The following CNBD1 variants were observed in gnomAD, a reference collection of about 807,000 sequenced individuals.
The protein encoded by CNBD1 is cyclic nucleotide binding domain containing 1.
In CNBD1, 71 loss-of-function variants were observed where a neutral mutation model predicts 54.4. That is an observed-to-expected ratio of 1.30 (90% CI 1.08 to 1.59). The LOEUF is 1.59. CNBD1 is among the 40% of genes most tolerant of loss of function. CNBD1 has a pLI of 0.00. For missense variants in CNBD1, 659 were observed against 518.0 expected (o/e 1.27, Z -2.64); for synonymous variants, 182 against 170.7 (o/e 1.07, Z -0.51).
At chr8:87,128,075 A>G (rs1811476825) in intron 4 of CNBD1, among the ~76,000 whole-genome samples, 1 of 152,174 alleles carries the variant, frequency 6.6e-6, no homozygotes, top group Non-Finnish European at 1.5e-5. Context: ...AGTCAGGGGA[A>G]GATAATCTTC....
At chr8:87,109,657 G>A (rs1036807616) in intron 4 of CNBD1, among the ~76,000 whole-genome samples, 2 of 150,744 alleles carry the variant, frequency 1.3e-5, no homozygotes, top group South Asian at 4.2e-4. Context: ...TCCTGCCTCA[G>A]CCTCCCGAGT....
At chr8:87,319,198 C>T (rs886625323) in intron 8 of CNBD1, among the ~76,000 whole-genome samples, 33 of 152,046 alleles carry the variant, frequency 2.2e-4, no homozygotes, top group African/African-American at 8.0e-4. Flanking sequence ...ACACTAGTTA[C>T]CTTCAACAGA....
intron 4 of CNBD1, among the ~76,000 whole-genome samples, chr8:87,011,940 A>C (rs1809231171): frequency 6.6e-6 from 1 of 152,222 alleles, no homozygotes; most frequent in African/African-American, 2.4e-5. Context: ...TAAGAGCTAA[A>C]GAACATCTGG....
intron 1 of CNBD1, among the ~76,000 whole-genome samples, chr8:86,871,438 AC>A (rs1808442205): frequency 6.6e-6 from 1 of 152,178 alleles, no homozygotes; most frequent in Non-Finnish European, 1.5e-5. Flanking sequence ...GGACGATTAA[AC>A]TTTTTGATAA....
intron 5 of CNBD1, among the ~76,000 whole-genome samples, chr8:87,222,702 T>G (rs553134388): frequency 6.6e-6 from 1 of 152,226 alleles, no homozygotes; most frequent in Non-Finnish European, 1.5e-5. Flanking sequence ...TTCACAATCA[T>G]GTTTGCTTTA....
At chr8:87,365,173 G>C (rs1167532328) in intron 10 of CNBD1, among the ~76,000 whole-genome samples, 2 of 151,794 alleles carry the variant, frequency 1.3e-5, no homozygotes, top group Non-Finnish European at 2.9e-5. Flanking sequence ...TTACTTTTTA[G>C]TAATTCAGTC....
At chr8:87,269,479 A>G (rs1474352313) in intron 6 of CNBD1, among the ~76,000 whole-genome samples, 2 of 152,154 alleles carry the variant, frequency 1.3e-5, no homozygotes, top group East Asian at 1.9e-4. Flanking sequence ...GTAGTTTCAT[A>G]GGAATAGCAT....
chr8:87,134,914 C>T (rs560346326), intron 4 of CNBD1, among the ~76,000 whole-genome samples: 1 of 151,914 alleles, frequency 6.6e-6, no homozygotes, highest in Non-Finnish European at 1.5e-5. Flanking sequence ...CAGCCAGATT[C>T]CAATTTTAAT....
At position 87,008,517 on chromosome 8, in the gene CNBD1, G is replaced by C. The variant is rs1704639003; in HGVS notation, c.431+68763G>C. 3.3e-5 allele frequency among the ~76,000 whole-genome samples: 5 copies of C among 152,102 alleles called. 1 individual carries two copies. The South Asian group carries it at 1.0e-3, about 31-fold the overall frequency. On this transcript the variant is annotated intron_variant, in intron 4 of 10. Transcript: ENST00000518476. ...TAAAAGTTAGTTTTTGGATAGCCTG[G>C]GGTTTACTTTTAATGCATGTCTGAA...
At chr8:87,388,718 A>G (rs1391012981) in intron 2 of CNBD1, among the ~76,000 whole-genome samples, 2 of 152,350 alleles carry the variant, frequency 1.3e-5, no homozygotes, top group East Asian at 3.9e-4. Flanking sequence ...TCCAATCAAT[A>G]GAAAAAGAGG....
chr8:87,221,717 A>G (rs575914393), intron 5 of CNBD1, among the ~76,000 whole-genome samples: 2 of 152,210 alleles, frequency 1.3e-5, no homozygotes. Flanking sequence ...TTATTTTGGA[A>G]CAGAGAGTAT....
At chr8:87,061,045 G>A (rs1028872182) in intron 4 of CNBD1, among the ~76,000 whole-genome samples, 2 of 152,142 alleles carry the variant, frequency 1.3e-5, no homozygotes, top group African/African-American at 4.8e-5. Context: ...GGTAGTGAAA[G>A]TCAAATTATT....
At chr8:86,935,106 G>A (rs180714950) in intron 3 of CNBD1, among the ~76,000 whole-genome samples, 74 of 152,200 alleles carry the variant, frequency 4.9e-4, no homozygotes, top group African/African-American at 1.6e-3. Flanking sequence ...CGTGATCTCA[G>A]CTCACTGCAA....
chr8:86,941,312 T>C (rs574060522), intron 4 of CNBD1, among the ~76,000 whole-genome samples: 1 of 152,306 alleles, frequency 6.6e-6, no homozygotes, highest in African/African-American at 2.4e-5. Context: ...CTAAATTCGT[T>C]AAAAATATTC....
intron 3 of CNBD1, among the ~76,000 whole-genome samples, chr8:86,907,758 C>A (rs958066613): frequency 6.6e-6 from 1 of 151,924 alleles, no homozygotes; most frequent in Non-Finnish European, 1.5e-5. Context: ...TGTGAATTTT[C>A]TTCTAAGCTT....
At chr8:87,276,424 A>G (rs1183907724) in intron 6 of CNBD1, among the ~76,000 whole-genome samples, 1 of 151,888 alleles carries the variant, frequency 6.6e-6, no homozygotes, top group East Asian at 1.9e-4. Context: ...TTATGAGAAA[A>G]GGCTTGGATG....
At chr8:87,114,123 T>C (rs967047106) in intron 4 of CNBD1, among the ~76,000 whole-genome samples, 1 of 152,222 alleles carries the variant, frequency 6.6e-6, no homozygotes, top group Non-Finnish European at 1.5e-5. Context: ...CCTTTCAACA[T>C]ACTACTCAGT....
At chr8:86,948,934 A>G (rs1807537868) in intron 4 of CNBD1, among the ~76,000 whole-genome samples, 1 of 152,152 alleles carries the variant, frequency 6.6e-6, no homozygotes, top group African/African-American at 2.4e-5. Context: ...ATTTTTGTAT[A>G]TGGGGAGAAA....
At chr8:86,877,453 G>A (rs972165419) in intron 1 of CNBD1, among the ~76,000 whole-genome samples, 2 of 151,984 alleles carry the variant, frequency 1.3e-5, no homozygotes, top group African/African-American at 4.8e-5. Context: ...TATTAGTTGG[G>A]GAATAAAATT....
Sources: allele counts gnomAD v4.1 joint callset (sites outside exome capture counted in the v4.1 genomes callset), GRCh38; gene constraint gnomAD v4.1.1; transcripts MANE v1.5; gene names NCBI Gene and HGNC (gene_info 2026-07-23, HGNC 2026-07-21).